CFAP47: variants seen among roughly 807,000 people sequenced by gnomAD.
The protein encoded by CFAP47 is cilia- and flagella-associated protein 47.
A neutral mutation model predicts 148.1 loss-of-function variants in CFAP47; 29 were observed. The observed-to-expected ratio is 0.20, with a 90% CI of 0.15 to 0.27. The LOEUF is 0.27. Among genes scored for constraint, CFAP47 ranks in the 10% least tolerant of loss-of-function variants. The pLI is 1.00. For missense variants in CFAP47, 1,872 were observed against 1,697.5 expected, an observed-to-expected ratio of 1.10 and a Z score of -1.81; for synonymous variants, 664 against 577.3, an observed-to-expected ratio of 1.15 and a Z score of -2.15.
chrX:35,977,229 T>G (rs376680253), intron 15 of CFAP47, among the ~76,000 whole-genome samples: 14 of 111,784 alleles, frequency 1.3e-4, no homozygotes, highest in East Asian at 5.7e-4. Context: ...AAACAGACTT[T>G]GGATAATCGT....
chrX:36,167,877 G>C (rs773492244), intron 39 of CFAP47, among the ~76,000 whole-genome samples: 3 of 111,652 alleles, frequency 2.7e-5, no homozygotes, highest in African/African-American at 9.8e-5. Context: ...ACAATCTCCA[G>C]AGAATTTCAA....
intron 15 of CFAP47, among the ~76,000 whole-genome samples, chrX:35,985,291 G>A (rs1936698943): frequency 9.0e-6 from 1 of 110,961 alleles, no homozygotes; most frequent in Non-Finnish European, 1.9e-5. Flanking sequence ...CATTCCTATT[G>A]GGGGTGCTGT....
At chrX:36,147,522 C>A (rs1939252262) in intron 36 of CFAP47, among the ~76,000 whole-genome samples, 1 of 112,574 alleles carries the variant, frequency 8.9e-6, no homozygotes, top group Admixed American at 9.3e-5. Flanking sequence ...ATCGCTTGGT[C>A]TGTTAATGAA....
rs746738995 is a variant in CFAP47, at chrX:35,956,937, C to T, written c.1410+741C>T. ...ATACAAAAAGACAGAGTTGGCTGGG[C>T]GTGGTGGCTCACACCTGTAATCCCA... On this transcript the variant is annotated intron_variant, in intron 8 of 63. Coordinates refer to ENST00000378653, the MANE Select transcript of CFAP47 (RefSeq NM_001304548.2). Among the ~76,000 whole-genome samples the T allele has an allele frequency of 1.5e-4, 17 of 111,328 alleles. No individual in the cohort carries two copies. The East Asian group carries it at 3.1e-3, about 20-fold the overall frequency.
chrX:35,936,961 A>T (rs1412920253), intron 2 of CFAP47, among the ~76,000 whole-genome samples: 1 of 108,989 alleles, frequency 9.2e-6, no homozygotes, highest in Non-Finnish European at 1.9e-5. Context: ...TATGGGGCAA[A>T]GAAGTTTGTT....
intron 20 of CFAP47, among the ~76,000 whole-genome samples, chrX:36,000,647 C>A (rs1383400339): frequency 1.8e-5 from 2 of 111,276 alleles, no homozygotes; most frequent in African/African-American, 6.5e-5. Context: ...TGAAACGTAA[C>A]CGTTCTTATT....
rs766948024 is a variant in CFAP47 at position 35,970,888 on chromosome X, A to G, written c.1935A>G (p.Leu645=). The G allele has an allele frequency of 5.7e-5, 68 of 1,190,131 alleles. No homozygotes were observed. The highest frequency in any genetic ancestry group is 7.6e-5 in the Non-Finnish European group (67 of 886,678). ...ATTATGCAATGTATCTTAAATATTT[A>G]AGAAGTGTGCGCTTGCAGAAGAAAC... ...ENYYAMYLKY[L]RSVRLQKKQA... Residue 645 remains leucine (L), a synonymous_variant, in exon 11 of 64, where the codon TTA becomes TTG. Coordinates refer to ENST00000378653, the MANE Select transcript of CFAP47 (RefSeq NM_001304548.2).
intron 26 of CFAP47, among the ~76,000 whole-genome samples, chrX:36,057,191 A>T (rs781288966): frequency 4.7e-4 from 53 of 111,614 alleles, no homozygotes; most frequent in African/African-American, 1.7e-3. Context: ...TACATGCTGT[A>T]TGCTTATCTT....
intron 33 of CFAP47, among the ~76,000 whole-genome samples, chrX:36,132,477 C>A (rs748907130): frequency 9.0e-6 from 1 of 111,682 alleles, no homozygotes; most frequent in Non-Finnish European, 1.9e-5. Flanking sequence ...CAACAAGCTT[C>A]CATTTGATGT....
chrX:36,377,577 G>T (rs1324584011), intron 62 of CFAP47, among the ~76,000 whole-genome samples: 1 of 111,554 alleles, frequency 9.0e-6, no homozygotes, highest in Non-Finnish European at 1.9e-5. Context: ...TGCTACAAAA[G>T]CCTCTTAACT....
chrX:36,201,221 G>A, intron 43 of CFAP47, 53 bp from the exon 44 acceptor site: 1 of 296,088 alleles, frequency 3.4e-6, no homozygotes, highest in Non-Finnish European at 5.9e-6. Context: ...GGATGACAAT[G>A]TCAAGGGCAT....
At chrX:36,105,930 T>C (rs1217770335) in intron 33 of CFAP47, among the ~76,000 whole-genome samples, 2 of 112,570 alleles carry the variant, frequency 1.8e-5, no homozygotes, top group East Asian at 5.6e-4. Context: ...TAATATATTA[T>C]AGACATTTAC....
chrX:36,264,099 G>A (rs1325288525), intron 49 of CFAP47, among the ~76,000 whole-genome samples: 1 of 111,849 alleles, frequency 8.9e-6, no homozygotes, highest in African/African-American at 3.3e-5. Context: ...AACATTGACT[G>A]ATGCTTATCC....
At position 35,971,712 on chromosome X, in the gene CFAP47, G is replaced by A. The variant is rs778565336; in HGVS notation, c.2097G>A (p.Ala699=). The change falls in exon 12 of 64, where the codon GCG becomes GCA. Residue 699 remains alanine, a synonymous_variant. Transcript: ENST00000378653. ...ELSSAANSIR[A]NRLLTTRGIA... is the part of the protein sequence containing the mutation. ...CTTCAGCAGCAAATTCAATTAGAGC[G>A]AATCGATTGTTAACCACCAGGGGTA... is the stretch of plus-strand genomic sequence containing the variant. The A allele has an allele frequency of 1.1e-5, 13 of 1,209,489 alleles. No individual in the cohort carries two copies. Among genetic ancestry groups the A allele is most frequent in the East Asian group, 3.0e-5 (1 of 33,741 alleles).
intron 49 of CFAP47, among the ~76,000 whole-genome samples, chrX:36,269,134 G>A (rs926212648): frequency 1.3e-4 from 15 of 111,780 alleles, no homozygotes; most frequent in Admixed American, 1.2e-3. Flanking sequence ...GATAAGGAGC[G>A]AAAGATACTT....
chrX:35,999,362 G>A (rs1041265848), intron 19 of CFAP47, among the ~76,000 whole-genome samples: 4 of 111,670 alleles, frequency 3.6e-5, no homozygotes, highest in Admixed American at 9.6e-5. Flanking sequence ...TGGTATTTTA[G>A]TAACTCTACT....
chrX:36,076,042 C>T (rs1039339330), intron 29 of CFAP47, among the ~76,000 whole-genome samples: 3 of 111,359 alleles, frequency 2.7e-5, no homozygotes, highest in South Asian at 3.7e-4. Context: ...TGGATATATA[C>T]CCCACAATGG....
intron 33 of CFAP47, among the ~76,000 whole-genome samples, chrX:36,107,972 A>G (rs918836404): frequency 1.8e-5 from 2 of 111,141 alleles, no homozygotes; most frequent in African/African-American, 3.3e-5. Flanking sequence ...AATTTTAACT[A>G]TGAGTGTTTC....
At chrX:36,008,211 C>T (rs914619747) in intron 21 of CFAP47, among the ~76,000 whole-genome samples, 6 of 111,517 alleles carry the variant, frequency 5.4e-5, no homozygotes, top group Non-Finnish European at 1.1e-4. Context: ...AGCTTCTCTT[C>T]CCTGTCAGCT....
Sources: allele counts gnomAD v4.1 joint callset (sites outside exome capture counted in the v4.1 genomes callset), GRCh38; gene constraint gnomAD v4.1.1; transcripts MANE v1.5; gene names NCBI Gene and HGNC (gene_info 2026-07-23, HGNC 2026-07-21).